Variants in ARHGEF11 observed in about 807,000 individuals in gnomAD.
ARHGEF11 encodes the protein Rho guanine nucleotide exchange factor 11.
In ARHGEF11, 55 loss-of-function variants were observed where a neutral mutation model predicts 193.7. The observed-to-expected ratio is 0.28, with a 90% CI of 0.23 to 0.36. The LOEUF (loss-of-function observed/expected upper bound fraction) is 0.36. ARHGEF11 is among the 10% of genes least tolerant of loss of function. ARHGEF11 has a pLI of 1.00. For synonymous variants in ARHGEF11, 693 were observed against 768.0 expected, an observed-to-expected ratio of 0.90 and a Z score of 1.62; for missense variants, 1,723 against 2,005.6, an observed-to-expected ratio of 0.86 and a Z score of 2.69.
At chr1:156,967,876 C>T in intron 11 of ARHGEF11, 111 bp downstream of exon 11, 1 of 1,503,312 alleles carries the variant, frequency 6.7e-7, no homozygotes, top group Non-Finnish European at 9.2e-7. Context: ...GTTTGGGTTG[C>T]TGAAGCAGGG....
upstream of ARHGEF11, among the ~76,000 whole-genome samples, chr1:157,046,845 CT>C (rs1673359299): frequency 6.8e-6 from 1 of 146,428 alleles, no homozygotes. Context: ...CCCCCCCCCT[CT>C]ACTAAAAATA....
intron 11 of ARHGEF11, among the ~76,000 whole-genome samples, chr1:156,964,052 A>C (rs1002235417): frequency 3.3e-5 from 5 of 152,188 alleles, no homozygotes; most frequent in African/African-American, 1.2e-4. Flanking sequence ...GTGCCTAGTA[A>C]GTACTGGTGG....
chr1:156,958,146 A>C (rs866446174), intron 17 of ARHGEF11, among the ~76,000 whole-genome samples: 4 of 152,186 alleles, frequency 2.6e-5, no homozygotes, highest in Admixed American at 6.5e-5. Context: ...GAGAAGCAGT[A>C]GTAGGGCAAA....
chr1:156,946,807 A>C lies in ARHGEF11; in HGVS notation c.2569-20T>G, dbSNP rs1276306773. ...ATCAAACTGAAGAGGCAGAATGGAC[A>C]CGGGGCCAGGCATCAAACCCCTGCC... is the stretch of plus-strand genomic sequence containing the variant. On this transcript the variant is annotated intron_variant, in intron 27 of 40. Transcript: ENST00000368194. 1 of 1,613,976 alleles carries C rather than the reference A, an allele frequency of 6.2e-7. No homozygotes were observed. The highest frequency in any genetic ancestry group is 1.3e-5 in the African/African-American group (1 of 74,902).
At chr1:156,949,932 T>C (rs1298981942) in intron 22 of ARHGEF11, among the ~76,000 whole-genome samples, 3 of 152,196 alleles carry the variant, frequency 2.0e-5, no homozygotes, top group East Asian at 1.9e-4. Context: ...AGATTGCCAA[T>C]GAGTTGATAA....
chr1:157,041,505 T>C (rs1177573335), intron 1 of ARHGEF11, among the ~76,000 whole-genome samples: 1 of 152,202 alleles, frequency 6.6e-6, no homozygotes, highest in African/African-American at 2.4e-5. Flanking sequence ...TCAGCTACAA[T>C]CTCTTTCCAA....
rs1571142479 is a variant in ARHGEF11 at position 156,940,345 on chromosome 1, C to T, written c.3595G>A (p.Glu1199Lys). The T allele has an allele frequency of 6.2e-7, 1 of 1,613,992 alleles. No individual in the cohort carries two copies. Among genetic ancestry groups the T allele is most frequent in the African/African-American group, 1.3e-5 (1 of 75,066 alleles). Residue 1199 changes from glutamate (E) to lysine (K), a missense_variant, in exon 36 of 41, where the codon GAG becomes AAG. Transcript: ENST00000368194. ...DPEQEGSAEE[E>K]ELGVLPCPST... ...GGGCAAGGCAGGACACCCAGTTCCT[C>T]TTCCTCTGCACTGCCCTCCTGCTCA...
At chr1:156,990,979 T>C (rs1262979496) in intron 1 of ARHGEF11, among the ~76,000 whole-genome samples, 1 of 152,202 alleles carries the variant, frequency 6.6e-6, no homozygotes, top group Admixed American at 6.5e-5. Context: ...GCCCTTTTAA[T>C]GGACAGAGTT....
intron 14 of ARHGEF11, 26 bp downstream of exon 14, chr1:156,961,651 T>A: frequency 6.2e-7 from 1 of 1,601,574 alleles, no homozygotes. Flanking sequence ...ATGATAAAAT[T>A]ATAATCCAAT....
chr1:157,025,661 C>T (rs1009590973), intron 1 of ARHGEF11, among the ~76,000 whole-genome samples: 2 of 152,110 alleles, frequency 1.3e-5, no homozygotes, highest in Non-Finnish European at 2.9e-5. Flanking sequence ...CACAGATGAG[C>T]GGGCTCCCCT....
chr1:157,002,445 C>T (rs1014420631), intron 1 of ARHGEF11, among the ~76,000 whole-genome samples: 5 of 152,174 alleles, frequency 3.3e-5, no homozygotes, highest in African/African-American at 1.2e-4. Context: ...CAACCTTGCC[C>T]TTCAGCCCAC....
chr1:157,008,051 C>G (rs949289717), intron 1 of ARHGEF11, among the ~76,000 whole-genome samples: 1 of 151,914 alleles, frequency 6.6e-6, no homozygotes, highest in Non-Finnish European at 1.5e-5. Context: ...TCTATTTAAA[C>G]CTAGCCCTAT....
chr1:157,004,247 G>T (rs1169306335), intron 1 of ARHGEF11, among the ~76,000 whole-genome samples: 1 of 152,182 alleles, frequency 6.6e-6, no homozygotes, highest in African/African-American at 2.4e-5. Context: ...CAGTTCCAAA[G>T]GAAGGCCTTA....
chr1:156,998,710 T>C (rs924354884), intron 1 of ARHGEF11, among the ~76,000 whole-genome samples: 2 of 152,178 alleles, frequency 1.3e-5, no homozygotes, highest in Non-Finnish European at 2.9e-5. Context: ...AAATCAAGTC[T>C]TGAGTTATCT....
chr1:156,946,108 A>G lies in ARHGEF11; in HGVS notation c.2749T>C (p.Ser917Pro), dbSNP rs1275662717. 1 of 1,613,610 alleles carries G rather than the reference A, an allele frequency of 6.2e-7. No homozygotes were observed. Among genetic ancestry groups the G allele is most frequent in the Non-Finnish European group, 8.5e-7 (1 of 1,179,960 alleles). The change falls in exon 29 of 41, where the codon TCT becomes CCT. Residue 917 changes from serine to proline, a missense_variant. Physicochemically the swap from Ser to Pro is moderately conservative, Grantham distance 74 (BLOSUM62 -1). Coordinates refer to ENST00000368194, the MANE Select transcript of ARHGEF11 (RefSeq NM_198236.3). ...RRLQLRDLIISEMQRLTKYPL... is the reference protein window; with the variant it reads ...RRLQLRDLIIPEMQRLTKYPL... Reference sequence around the variant, plus strand: ...TACTTGGTGAGCCGCTGCATCTCAGAGATGATGAGGTCTCTCAGCTGCAGC... The same window carrying G: ...TACTTGGTGAGCCGCTGCATCTCAGGGATGATGAGGTCTCTCAGCTGCAGC...
rs150707300 is a variant in ARHGEF11 at position 156,987,766 on chromosome 1, A to G, written c.33-1593T>C. Among the ~76,000 whole-genome samples the G allele has an allele frequency of 1.4e-3, 208 of 152,324 alleles. 1 individual carries two copies. Among genetic ancestry groups the G allele is most frequent in the African/African-American group, 4.6e-3 (190 of 41,582 alleles). On this transcript the variant is annotated intron_variant, in intron 1 of 40. Coordinates refer to ENST00000368194, the MANE Select transcript of ARHGEF11 (RefSeq NM_198236.3). Reference sequence around the variant, plus strand: ...ATCTTTGGATCAGAGAGAGAAGGACATCAAGGAAGAAGAGAGCGTGGGCCC... The same window carrying G: ...ATCTTTGGATCAGAGAGAGAAGGACGTCAAGGAAGAAGAGAGCGTGGGCCC...
intron 1 of ARHGEF11, among the ~76,000 whole-genome samples, chr1:157,042,908 T>C (rs1319665979): frequency 6.6e-6 from 1 of 152,188 alleles, no homozygotes; most frequent in Non-Finnish European, 1.5e-5. Flanking sequence ...ATTCCTCACC[T>C]TGACACACCT....
intron 21 of ARHGEF11, among the ~76,000 whole-genome samples, chr1:156,953,686 C>CTA (rs1373527708): frequency 6.6e-6 from 1 of 151,896 alleles, no homozygotes; most frequent in Non-Finnish European, 1.5e-5. Context: ...CTCTCTCTCT[C>CTA]TCTCTATATA....
chr1:157,029,167 CAAA>C (rs778433244), intron 1 of ARHGEF11, among the ~76,000 whole-genome samples: 8 of 50,500 alleles, frequency 1.6e-4, no homozygotes, highest in Admixed American at 4.2e-4. Context: ...GACCCTGTCT[CAAA>C]AAAAAAAAAA....
Sources: allele counts gnomAD v4.1 joint callset (sites outside exome capture counted in the v4.1 genomes callset), GRCh38; gene constraint gnomAD v4.1.1; transcripts MANE v1.5; gene names NCBI Gene and HGNC (gene_info 2026-07-23, HGNC 2026-07-21).